The following BACC1 variants were observed in gnomAD, a reference collection of about 807,000 sequenced individuals.
BACC1 encodes BPTF-associated chromatin complex component 1.
chr17:7,017,143 C>G, the BACC1 span: 38 of 1,551,834 alleles, frequency 2.4e-5, no homozygotes, highest in Non-Finnish European at 3.3e-5. Context: ...TGCTCTCATA[C>G]ACAGCGCAGG....
At chr17:7,015,363 A>C in the BACC1 span, 2 of 1,370,438 alleles carry the variant, frequency 1.5e-6, no homozygotes, top group Non-Finnish European at 1.9e-6. Flanking sequence ...CTCCTGTTTC[A>C]CAGTTCTCCC....
chr17:7,016,933 G>A, the BACC1 span: 20 of 1,613,896 alleles, frequency 1.2e-5, no homozygotes, highest in South Asian at 9.9e-5. Flanking sequence ...TGCTCTGAAC[G>A]ACTCCGATGC....
the BACC1 span, chr17:7,016,601 T>C: frequency 6.2e-7 from 1 of 1,614,154 alleles, no homozygotes; most frequent in African/African-American, 1.3e-5. Context: ...ATCTGGTGTC[T>C]TGTCACCTCC....
At chr17:7,015,427 T>C in the BACC1 span, 8 of 1,362,526 alleles carry the variant, frequency 5.9e-6, no homozygotes, top group South Asian at 1.4e-4. Context: ...CCCCAGTTCA[T>C]GGAATTCCCC....
At chr17:7,015,106 CG>C in the BACC1 span, 1 of 1,580,488 alleles carries the variant, frequency 6.3e-7, no homozygotes. Context: ...TCACGAAGCT[CG>C]GGGAGCTGAC....
At chr17:7,017,254 C>T in the BACC1 span, 20 of 1,614,114 alleles carry the variant, frequency 1.2e-5, no homozygotes, top group Non-Finnish European at 1.6e-5. Flanking sequence ...CTTCCTGTTC[C>T]AGACAGCCTG....
At chr17:7,016,654 C>G in the BACC1 span, 2 of 1,612,762 alleles carry the variant, frequency 1.2e-6, no homozygotes, top group Non-Finnish European at 1.7e-6. Context: ...TCCCTGAGGC[C>G]GGGGGTCCCC....
the BACC1 span, chr17:7,015,812 C>G: frequency 1.2e-6 from 2 of 1,614,100 alleles, no homozygotes; most frequent in Non-Finnish European, 1.7e-6. Flanking sequence ...ATGCTGAGGG[C>G]TGCTGTGAAG....
At chr17:7,015,094 C>T in the BACC1 span, 11 of 1,573,310 alleles carry the variant, frequency 7.0e-6, no homozygotes, top group Non-Finnish European at 9.4e-6. Context: ...CCGGCGCCGC[C>T]TTCACGAAGC....
chr17:7,017,261 C>G, the BACC1 span: 1 of 1,614,138 alleles, frequency 6.2e-7, no homozygotes, highest in Non-Finnish European at 8.5e-7. Flanking sequence ...TTCCAGACAG[C>G]CTGACCCTGG....
chr17:7,016,202 G>A, the BACC1 span: 9 of 521,282 alleles, frequency 1.7e-5, no homozygotes, highest in Non-Finnish European at 3.0e-5. Context: ...CCCTGAACTA[G>A]TTGATCAGTA....
chr17:7,015,972 G>A, the BACC1 span: 1 of 969,642 alleles, frequency 1.0e-6, no homozygotes, highest in Non-Finnish European at 1.6e-6. Flanking sequence ...CAGCTCAGCT[G>A]CTTCCCTACT....
At chr17:7,016,064 G>A in the BACC1 span, 4 of 581,906 alleles carry the variant, frequency 6.9e-6, no homozygotes, top group South Asian at 6.4e-5. Context: ...AAAATGCTGT[G>A]GTAATCCTTC....
At chr17:7,015,425 C>G in the BACC1 span, 24 of 1,365,920 alleles carry the variant, frequency 1.8e-5, no homozygotes, top group Non-Finnish European at 2.3e-5. Context: ...CACCCCAGTT[C>G]ATGGAATTCC....
chr17:7,016,806 A>AG, the BACC1 span: 1 of 1,518,962 alleles, frequency 6.6e-7, no homozygotes, highest in Non-Finnish European at 9.1e-7. Context: ...GTTCCCAGAG[A>AG]GGGGCAGAGG....
chr17:7,015,242 A>G, the BACC1 span: 21 of 1,451,684 alleles, frequency 1.4e-5, no homozygotes, highest in Non-Finnish European at 1.7e-5. Flanking sequence ...GCACAGGGAC[A>G]GACATTAGTT....
At chr17:7,015,902 G>T in the BACC1 span, 2 of 1,594,344 alleles carry the variant, frequency 1.3e-6, no homozygotes, top group South Asian at 2.2e-5. Flanking sequence ...GCCAGAAAAG[G>T]GCGGGTGGGC....
At chr17:7,017,139 C>T in the BACC1 span, 1 of 1,547,034 alleles carries the variant, frequency 6.5e-7, no homozygotes, top group African/African-American at 1.4e-5. Flanking sequence ...AAGGTGCTCT[C>T]ATACACAGCG....
the BACC1 span, chr17:7,015,491 A>T: frequency 7.3e-7 from 1 of 1,366,432 alleles, no homozygotes; most frequent in Non-Finnish European, 9.4e-7. Flanking sequence ...CTTCCTGGCG[A>T]GTTGGTTTCA....
Sources: allele counts gnomAD v4.1 joint callset, GRCh38; gene constraint gnomAD v4.1.1; transcripts MANE v1.5; gene names NCBI Gene and HGNC (gene_info 2026-07-23, HGNC 2026-07-21).